HELLS: variants seen among roughly 807,000 people sequenced by gnomAD.
HELLS encodes lymphoid-specific helicase.
Under a neutral mutation model 120.0 loss-of-function variants are expected in HELLS, and 32 were observed. The ratio of observed to expected loss-of-function variants is 0.27; its 90% CI spans 0.20 to 0.36. The LOEUF (loss-of-function observed/expected upper bound fraction) is 0.36. HELLS is among the 10% of genes least tolerant of loss of function. The pLI, the probability that HELLS is intolerant of heterozygous loss-of-function variation, is 1.00. For synonymous variants in HELLS, 341 were observed against 323.4 expected (o/e 1.05, Z -0.58); for missense variants, 650 against 993.4 (o/e 0.65, Z 4.65).
chr10:94,557,778 G>C (rs980966192), intron 3 of HELLS, among the ~76,000 whole-genome samples: 9 of 152,224 alleles, frequency 5.9e-5, no homozygotes, highest in South Asian at 2.1e-4. Context: ...AACACAAAGA[G>C]ACTGTTGGGC....
chr10:94,581,208 T>C, intron 10 of HELLS, 118 bp from the exon 11 acceptor site: 1 of 575,534 alleles, frequency 1.7e-6, no homozygotes, highest in Non-Finnish European at 3.0e-6. Flanking sequence ...GTTACTGAAA[T>C]TACATTTGAT....
At chr10:94,578,330 G>A (rs1844625944) in intron 10 of HELLS, among the ~76,000 whole-genome samples, 1 of 151,964 alleles carries the variant, frequency 6.6e-6, no homozygotes, top group Admixed American at 6.6e-5. Flanking sequence ...GGTGGGGGAT[G>A]GTTTCAGAAT....
chr10:94,605,072 T>TCCCCCCCCCCC (rs3054948), downstream of HELLS, among the ~76,000 whole-genome samples: 1 of 66,824 alleles, frequency 1.5e-5, no homozygotes, highest in African/African-American at 7.6e-5. Context: ...GTCTTGTGTC[T>TCCCCCCCCCCC]CCCCCCCCCC....
chr10:94,548,453 A>G (rs569863623), intron 2 of HELLS, among the ~76,000 whole-genome samples: 3 of 152,300 alleles, frequency 2.0e-5, no homozygotes, highest in African/African-American at 7.2e-5. Context: ...AAAGAAAGAT[A>G]TGCCTGAGAT....
Position 94,589,945 on chromosome 10 carries a change from C to T in HELLS, c.1489-468C>T, listed in dbSNP as rs542829004. Among the ~76,000 whole-genome samples the T allele has an allele frequency of 6.4e-4, 98 of 152,118 alleles. 1 individual carries two copies. The highest frequency in any genetic ancestry group is 1.9e-3 in the African/African-American group (77 of 41,498). ...CTTGTGATCTGCCCGCCTCGGCCTC[C>T]GAAAGTGCTGGGTTTACAGGCGTGA... On this transcript the variant is annotated intron_variant, in intron 13 of 21. Transcript: ENST00000348459.
Position 94,601,430 on chromosome 10 carries a change from A to G in HELLS, c.2423-98A>G, listed in dbSNP as rs529928602. The G allele has an allele frequency of 9.7e-5, 67 of 691,376 alleles. 3 individuals carry two copies. The South Asian group carries it at 1.1e-3, about 11-fold the overall frequency. The allele number at this position is 691,376 out of a possible 1,614,324, so 42.8% of individuals were successfully genotyped here. The stretch of plus-strand genomic sequence containing the variant: ...TACTGTGAGTTTTATAATTTTGGAC[A>G]GATGACTCACTTCTCATAACATCAT... On this transcript the variant is annotated intron_variant, in intron 21 of 21. Coordinates refer to ENST00000348459, the MANE Select transcript of HELLS (RefSeq NM_018063.5).
At chr10:94,547,605 TGTAAA>T (rs1842800286) in intron 2 of HELLS, among the ~76,000 whole-genome samples, 2 of 152,356 alleles carry the variant, frequency 1.3e-5, no homozygotes, top group Admixed American at 6.5e-5. Flanking sequence ...TCAACTATTC[TGTAAA>T]GTAGATGTTC....
At chr10:94,549,765 T>C (rs2134270951) in intron 2 of HELLS, among the ~76,000 whole-genome samples, 1 of 152,276 alleles carries the variant, frequency 6.6e-6, no homozygotes, top group East Asian at 1.9e-4. Flanking sequence ...CGTAATATAA[T>C]CATGAAATTG....
chr10:94,555,598 G>A (rs1175037201), intron 3 of HELLS, among the ~76,000 whole-genome samples: 1 of 152,036 alleles, frequency 6.6e-6, no homozygotes, highest in African/African-American at 2.4e-5. Context: ...TCTTTCTCTG[G>A]TGTTCCTCTG....
At chr10:94,547,107 A>G (rs1390822417) in intron 2 of HELLS, among the ~76,000 whole-genome samples, 1 of 152,112 alleles carries the variant, frequency 6.6e-6, no homozygotes, top group East Asian at 1.9e-4. Flanking sequence ...TCTTGTAGAG[A>G]GCATTTTGTA....
intron 19 of HELLS, 54 bp from the exon 20 acceptor site, chr10:94,596,806 T>A: frequency 1.1e-6 from 1 of 899,624 alleles, no homozygotes; most frequent in Non-Finnish European, 1.8e-6. Flanking sequence ...TGTAATATGT[T>A]GTATTGTAGT....
Position 94,573,989 on chromosome 10 carries a change from T to C in HELLS, c.507T>C (p.Cys169=). The part of the protein sequence containing the change: ...EDENSSSTNL[C]VEDLQKNKDS... ...AAAACTCCTCCTCTACTAATCTCTGTGTGGAAGATCTTCAGAAAAATAAAG... is the reference window on the plus strand; with the variant it reads ...AAAACTCCTCCTCTACTAATCTCTGCGTGGAAGATCTTCAGAAAAATAAAG... Residue 169 remains cysteine, a synonymous_variant, in exon 8 of 22, where the codon TGT becomes TGC. Coordinates refer to ENST00000348459, the MANE Select transcript of HELLS (RefSeq NM_018063.5). The C allele has an allele frequency of 6.2e-7, 1 of 1,608,792 alleles. No individual in the cohort carries two copies. Among genetic ancestry groups the C allele is most frequent in the Non-Finnish European group, 8.5e-7 (1 of 1,175,298 alleles).
At position 94,592,498 on chromosome 10, in the gene HELLS, C is replaced by CAG; in HGVS notation, c.1963_1964dup (p.Asn657LysfsTer16). On this transcript the variant is annotated frameshift_variant, in exon 17 of 22. Transcript: ENST00000348459. LOFTEE classifies it high-confidence loss of function. ...AGGCTTGATGGGTCCATGTCTTACT[C>CAG]AGAGAGAGAAAAAAACGTAAGACTA... 6.8e-7 allele frequency: 1 copy of CAG among 1,472,792 alleles called. No homozygotes were observed. Among genetic ancestry groups the CAG allele is most frequent in the South Asian group, 1.6e-5 (1 of 63,942 alleles). 91.2% of individuals were successfully genotyped at this position (1,472,792 alleles called of 1,614,324 possible). A position where few individuals can be genotyped will look rare whatever the true frequency, so the allele number is the denominator to read the frequency against.
intron 10 of HELLS, among the ~76,000 whole-genome samples, chr10:94,580,560 A>T (rs1844818736): frequency 6.6e-6 from 1 of 152,132 alleles, no homozygotes; most frequent in African/African-American, 2.4e-5. Flanking sequence ...TTGGTTTAAC[A>T]TATTGCCAGG....
chr10:94,581,591 T>G (rs1844871677), intron 11 of HELLS, 69 bp downstream of exon 11: 8 of 1,125,256 alleles, frequency 7.1e-6, no homozygotes, highest in Non-Finnish European at 1.0e-5. Context: ...TACTTTCTTT[T>G]CAGTGACTGA....
chr10:94,580,354 G>A (rs1354796599), intron 10 of HELLS, among the ~76,000 whole-genome samples: 1 of 151,080 alleles, frequency 6.6e-6, no homozygotes, highest in Non-Finnish European at 1.5e-5. Flanking sequence ...GCTAATTTTT[G>A]TATTTTTAGT....
At chr10:94,580,152 TATATATATATACACACAC>T (rs1238717224) in intron 10 of HELLS, among the ~76,000 whole-genome samples, 28 of 51,180 alleles carry the variant, frequency 5.5e-4, no homozygotes, top group African/African-American at 2.2e-3. Context: ...TATATATATA[TATATATATATACACACAC>T]ACACACACAC....
At chr10:94,579,411 C>T (rs533635253) in intron 10 of HELLS, among the ~76,000 whole-genome samples, 1 of 151,902 alleles carries the variant, frequency 6.6e-6, no homozygotes, top group African/African-American at 2.4e-5. Context: ...CTGTGTTAGC[C>T]AGGATGGTCT....
At chr10:94,590,814 C>T in intron 15 of HELLS, 38 bp downstream of exon 15, 1 of 1,205,630 alleles carries the variant, frequency 8.3e-7, no homozygotes. Flanking sequence ...GTTTTGATTT[C>T]CATTACTTTT....
Sources: gnomAD v4.1 joint callset for allele counts (sites outside exome capture counted in the v4.1 genomes callset) on GRCh38, gnomAD v4.1.1 for gene constraint, MANE v1.5 for transcripts, NCBI Gene and HGNC (gene_info 2026-07-23, HGNC 2026-07-21) for gene names.